PTPRD: variants seen among roughly 807,000 people sequenced by gnomAD.
The protein encoded by PTPRD is protein tyrosine phosphatase receptor type D.
PTPRD carries 34 observed loss-of-function variants against 214.5 expected under a neutral mutation model. The ratio of observed to expected loss-of-function variants is 0.16; its 90% CI spans 0.12 to 0.21. The LOEUF (loss-of-function observed/expected upper bound fraction) is 0.21, where lower values mean the gene tolerates loss of function less well. PTPRD is among the 10% of genes least tolerant of loss of function. The pLI is 1.00. For missense variants in PTPRD, 2,545 were observed against 2,398.7 expected (o/e 1.06, Z -1.27); for synonymous variants, 1,128 against 845.7 (o/e 1.33, Z -5.79).
intron 2 of PTPRD, among the ~76,000 whole-genome samples, chr9:10,562,665 G>A (rs1049896347): frequency 1.3e-5 from 2 of 152,036 alleles, no homozygotes; most frequent in Admixed American, 1.3e-4. Context: ...AAACTGTAAT[G>A]TTAATTGTAA....
At chr9:10,195,988 A>G (rs1386390353) in intron 3 of PTPRD, among the ~76,000 whole-genome samples, 3 of 152,174 alleles carry the variant, frequency 2.0e-5, no homozygotes, top group Admixed American at 2.0e-4. Flanking sequence ...GTTTCCAAGG[A>G]CTGGACTGGA....
At position 8,582,026 on chromosome 9, in the gene PTPRD, CAA is replaced by C. The variant is rs149577034; in HGVS notation, c.352+51289_352+51290del. The stretch of plus-strand genomic sequence containing the variant: ...AATAAAAGTTTATGTCTATAAATTT[CAA>C]AAATGAGAGGGCACTGATAACTTTC... On this transcript the variant is annotated intron_variant, in intron 14 of 45. Coordinates refer to ENST00000381196, the MANE Select transcript of PTPRD (RefSeq NM_002839.4). Among the ~76,000 whole-genome samples, 1,231 of 145,536 alleles carry C rather than the reference CAA, an allele frequency of 8.5e-3. 6 individuals carry two copies. Among genetic ancestry groups the C allele is most frequent in the Non-Finnish European group, 0.013 (880 of 66,596 alleles).
intron 9 of PTPRD, among the ~76,000 whole-genome samples, chr9:9,346,365 T>C (rs568850317): frequency 2.0e-5 from 3 of 152,050 alleles, no homozygotes; most frequent in Non-Finnish European, 4.4e-5. Context: ...TTGAGAAAAA[T>C]TTAAGAAAAA....
chr9:10,003,551 T>C (rs2096388848), intron 4 of PTPRD, among the ~76,000 whole-genome samples: 1 of 151,626 alleles, frequency 6.6e-6, no homozygotes, highest in African/African-American at 2.4e-5. Flanking sequence ...GAAGAGAAAG[T>C]GCTATTATTA....
chr9:9,154,753 A>G (rs1281703497), intron 10 of PTPRD, among the ~76,000 whole-genome samples: 1 of 152,166 alleles, frequency 6.6e-6, no homozygotes, highest in Non-Finnish European at 1.5e-5. Context: ...AAAGTAAAAG[A>G]AGAGTGTAAT....
rs1352061598 is a variant in PTPRD at position 9,385,166 on chromosome 9, C to T, written c.-203+12283G>A. Among the ~76,000 whole-genome samples, 9 of 152,216 alleles carry T rather than the reference C, an allele frequency of 5.9e-5. No individual in the cohort carries two copies. The East Asian group carries it at 1.2e-3, about 20-fold the overall frequency. On this transcript the variant is annotated intron_variant, in intron 9 of 45. Transcript: ENST00000381196. The stretch of plus-strand genomic sequence containing the variant: ...ATAATGAACCCACATGTTCTGTCTT[C>T]ATTTACCAAGTATCCACTTGTCTGA...
chr9:8,339,441 T>C (rs78515254), intron 42 of PTPRD, among the ~76,000 whole-genome samples: 10,398 of 152,174 alleles, frequency 0.068, 456 homozygotes, highest in Middle Eastern at 0.11. Context: ...TGCACCACTA[T>C]GGTTTGGAAT....
intron 10 of PTPRD, among the ~76,000 whole-genome samples, chr9:9,169,960 G>A (rs1221909313): frequency 6.6e-6 from 1 of 152,156 alleles, no homozygotes; most frequent in Admixed American, 6.6e-5. Context: ...TGCCATAAGG[G>A]ATTAGAAGGG....
chr9:8,440,702 A>G lies in PTPRD; in HGVS notation c.3989-4013T>C, dbSNP rs188559664. On this transcript the variant is annotated intron_variant, in intron 34 of 45. Coordinates refer to ENST00000381196, the MANE Select transcript of PTPRD (RefSeq NM_002839.4). ...CCACAATATAGAGTCAACATGAAAA[A>G]TGACAGATGCGGTCACTGAAATCTG... Among the ~76,000 whole-genome samples, 5 of 152,330 alleles carry G rather than the reference A, an allele frequency of 3.3e-5. No individual in the cohort carries two copies. In the East Asian group the frequency reaches 9.7e-4, roughly 29 times the overall value.
chr9:10,042,889 GA>G (rs2097322912), intron 3 of PTPRD, among the ~76,000 whole-genome samples: 1 of 151,846 alleles, frequency 6.6e-6, no homozygotes, highest in African/African-American at 2.4e-5. Context: ...TACCTAATAT[GA>G]ATGTATTTGT....
At chr9:10,119,385 G>T (rs1248621269) in intron 3 of PTPRD, among the ~76,000 whole-genome samples, 1 of 152,008 alleles carries the variant, frequency 6.6e-6, no homozygotes, top group Non-Finnish European at 1.5e-5. Flanking sequence ...GATCACATCT[G>T]TTGAGAATCT....
intron 14 of PTPRD, among the ~76,000 whole-genome samples, chr9:8,629,445 G>C (rs1158589434): frequency 1.3e-5 from 2 of 151,772 alleles, no homozygotes; most frequent in African/African-American, 4.8e-5. Flanking sequence ...ATTGTGACCA[G>C]CAAACTAACG....
At chr9:9,243,240 G>A (rs2099971280) in intron 9 of PTPRD, among the ~76,000 whole-genome samples, 2 of 152,060 alleles carry the variant, frequency 1.3e-5, no homozygotes, top group Non-Finnish European at 2.9e-5. Context: ...CATTCCTTCT[G>A]AAACTATTAC....
intron 2 of PTPRD, among the ~76,000 whole-genome samples, chr9:10,546,243 G>A (rs1275360018): frequency 6.6e-6 from 1 of 151,852 alleles, no homozygotes; most frequent in South Asian, 2.1e-4. Context: ...GAAAGTAGCT[G>A]TTCTTAGTTT....
intron 14 of PTPRD, among the ~76,000 whole-genome samples, chr9:8,574,602 C>G (rs890502529): frequency 1.3e-5 from 2 of 151,982 alleles, no homozygotes; most frequent in African/African-American, 2.4e-5. Context: ...AGGCTAACCA[C>G]TAAGAAGAAA....
intron 2 of PTPRD, among the ~76,000 whole-genome samples, chr9:10,598,713 T>TGTGTGTG (rs2077234286): frequency 6.1e-5 from 4 of 65,702 alleles, no homozygotes; most frequent in African/African-American, 1.6e-4. Flanking sequence ...TGGTGTGTGG[T>TGTGTGTG]GTGTGTGTGT....
chr9:8,666,836 C>T (rs1376078328), intron 12 of PTPRD, among the ~76,000 whole-genome samples: 5 of 152,180 alleles, frequency 3.3e-5, no homozygotes, highest in Non-Finnish European at 5.9e-5. Context: ...ATACATATCA[C>T]TTTGGCCATC....
At chr9:10,284,165 A>G (rs1320284916) in intron 3 of PTPRD, among the ~76,000 whole-genome samples, 2 of 152,174 alleles carry the variant, frequency 1.3e-5, no homozygotes, top group African/African-American at 2.4e-5. Context: ...CTAGTCTTGC[A>G]TGTACATGTG....
intron 8 of PTPRD, among the ~76,000 whole-genome samples, chr9:9,420,965 A>T (rs547760347): frequency 1.3e-4 from 20 of 152,074 alleles, no homozygotes; most frequent in Middle Eastern, 3.4e-3. Flanking sequence ...TCAATATTTT[A>T]TGCCTTCATA....
Sources: gnomAD v4.1 joint callset for allele counts (sites outside exome capture counted in the v4.1 genomes callset) on GRCh38, gnomAD v4.1.1 for gene constraint, MANE v1.5 for transcripts, NCBI Gene and HGNC (gene_info 2026-07-23, HGNC 2026-07-21) for gene names.